The following DLC1 variants were observed in gnomAD, a reference collection of about 807,000 sequenced individuals.
The protein encoded by DLC1 is rho GTPase-activating protein 7.
DLC1 carries 54 observed loss-of-function variants against 140.3 expected under a neutral mutation model. That is an observed-to-expected ratio of 0.38 (90% CI 0.31 to 0.48). The LOEUF is 0.48. Ranked by LOEUF, DLC1 falls within the 20% of genes least tolerant of loss-of-function variation. The probability of loss-of-function intolerance (pLI) is 0.96; values close to 1 mark genes in which losing one functional copy is unlikely to be tolerated. For missense variants in DLC1, 2,536 were observed against 1,907.0 expected, an observed-to-expected ratio of 1.33 and a Z score of -6.14; for synonymous variants, 986 against 728.1, an observed-to-expected ratio of 1.35 and a Z score of -5.70.
chr8:13,419,393 G>A (rs368149469), intron 2 of DLC1, among the ~76,000 whole-genome samples: 4 of 152,136 alleles, frequency 2.6e-5, no homozygotes, highest in East Asian at 1.9e-4. Flanking sequence ...CGTCCCATCA[G>A]TACCTAATTT....
At chr8:13,092,085 A>C (rs1306993545) in intron 13 of DLC1, among the ~76,000 whole-genome samples, 1 of 152,128 alleles carries the variant, frequency 6.6e-6, no homozygotes, top group Admixed American at 6.5e-5. Flanking sequence ...TCTCTACTAA[A>C]AATATAAAAA....
intron 8 of DLC1, among the ~76,000 whole-genome samples, chr8:13,101,949 A>G (rs1430821658): frequency 6.6e-6 from 1 of 152,112 alleles, no homozygotes; most frequent in East Asian, 1.9e-4. Context: ...CCTGTGGCCC[A>G]AGTTTCACAG....
chr8:13,261,147 T>C (rs1370381703), intron 5 of DLC1, among the ~76,000 whole-genome samples: 1 of 152,190 alleles, frequency 6.6e-6, no homozygotes, highest in African/African-American at 2.4e-5. Context: ...CAAACACATG[T>C]AACATGCCAG....
At chr8:13,551,866 G>GACAGTTATATATACA (rs1803865604) in intron 1 of DLC1, among the ~76,000 whole-genome samples, 1 of 136,374 alleles carries the variant, frequency 7.3e-6, no homozygotes, top group Non-Finnish European at 1.6e-5. Flanking sequence ...ACAAGTGTGT[G>GACAGTTATATATACA]TATATATATA....
chr8:13,483,274 C>T (rs965331301), intron 2 of DLC1, among the ~76,000 whole-genome samples: 4 of 152,158 alleles, frequency 2.6e-5, no homozygotes, highest in Non-Finnish European at 4.4e-5. Flanking sequence ...AGATCCTTAA[C>T]TTGATTACAT....
intron 2 of DLC1, among the ~76,000 whole-genome samples, chr8:13,446,000 T>G (rs920721544): frequency 1.3e-5 from 2 of 152,174 alleles, no homozygotes; most frequent in African/African-American, 2.4e-5. Flanking sequence ...ATACAGTTGT[T>G]GACTGAAATA....
intron 4 of DLC1, among the ~76,000 whole-genome samples, chr8:13,376,969 T>A (rs929457664): frequency 1.3e-5 from 2 of 152,168 alleles, no homozygotes; most frequent in African/African-American, 4.8e-5. Flanking sequence ...GGAAAAAAAA[T>A]CTGGTAGAAA....
intron 5 of DLC1, among the ~76,000 whole-genome samples, chr8:13,252,733 G>A (rs1830062412): frequency 6.6e-6 from 1 of 152,134 alleles, no homozygotes; most frequent in African/African-American, 2.4e-5. Flanking sequence ...AGATCATCAT[G>A]TGGAAAAATG....
intron 2 of DLC1, among the ~76,000 whole-genome samples, chr8:13,479,133 G>C (rs1455818319): frequency 6.6e-6 from 1 of 152,158 alleles, no homozygotes; most frequent in Admixed American, 6.5e-5. Context: ...AGGTCCTTTG[G>C]AGAAAAGATG....
intron 5 of DLC1, among the ~76,000 whole-genome samples, chr8:13,148,467 C>T (rs577860612): frequency 2.7e-4 from 41 of 152,168 alleles, no homozygotes; most frequent in Non-Finnish European, 4.3e-4. Flanking sequence ...GGGTTCTGTT[C>T]GTTTTTGTGG....
chr8:13,548,247 A>G (rs1405063898), intron 1 of DLC1, among the ~76,000 whole-genome samples: 1 of 152,022 alleles, frequency 6.6e-6, no homozygotes, highest in Non-Finnish European at 1.5e-5. Flanking sequence ...CCTACACCTC[A>G]CTAGGTTAGC....
intron 5 of DLC1, among the ~76,000 whole-genome samples, chr8:13,223,380 C>T (rs1413086846): frequency 1.3e-5 from 2 of 152,142 alleles, no homozygotes; most frequent in African/African-American, 2.4e-5. Context: ...ATTAAATGCT[C>T]ACTTTAAATA....
chr8:13,320,872 G>C (rs964083917), intron 4 of DLC1, among the ~76,000 whole-genome samples: 1 of 152,028 alleles, frequency 6.6e-6, no homozygotes, highest in Non-Finnish European at 1.5e-5. Context: ...ATCAATTTTT[G>C]AAAAAGAGCC....
At chr8:13,309,412 T>C (rs1221475372) in intron 4 of DLC1, among the ~76,000 whole-genome samples, 4 of 152,186 alleles carry the variant, frequency 2.6e-5, no homozygotes, top group Admixed American at 1.3e-4. Flanking sequence ...TGAGACCCTT[T>C]AATAGTTCTC....
chr8:13,441,996 C>G (rs889623523), intron 2 of DLC1, among the ~76,000 whole-genome samples: 83 of 152,204 alleles, frequency 5.5e-4, no homozygotes, highest in African/African-American at 2.0e-3. Flanking sequence ...GGTACTGGTA[C>G]CAAAACAAGA....
chr8:13,514,999 T>C, upstream of DLC1: 1 of 205,856 alleles, frequency 4.9e-6, no homozygotes, highest in Non-Finnish European at 9.7e-6. Flanking sequence ...GGAGTTCTGA[T>C]TTTACACAGA....
chr8:13,453,537 T>A, intron 2 of DLC1, among the ~76,000 whole-genome samples: 1 of 51,462 alleles, frequency 1.9e-5, no homozygotes, highest in Non-Finnish European at 3.3e-5. Flanking sequence ...TGTATATATA[T>A]ACATATATAT....
At chr8:13,479,353 G>A (rs1296215554) in intron 2 of DLC1, among the ~76,000 whole-genome samples, 1 of 151,992 alleles carries the variant, frequency 6.6e-6, no homozygotes, top group Admixed American at 6.6e-5. Flanking sequence ...CTCACAATAA[G>A]CAAAGCAAAA....
intron 5 of DLC1, among the ~76,000 whole-genome samples, chr8:13,162,292 A>C (rs758131585): frequency 6.7e-6 from 1 of 148,772 alleles, no homozygotes; most frequent in South Asian, 2.2e-4. Context: ...TTGGCAACTC[A>C]ATGATGGTAG....
Sources: allele counts gnomAD v4.1 joint callset (sites outside exome capture counted in the v4.1 genomes callset), GRCh38; gene constraint gnomAD v4.1.1; transcripts MANE v1.5; gene names NCBI Gene and HGNC (gene_info 2026-07-23, HGNC 2026-07-21).